The following NCALD variants were observed in gnomAD, a reference collection of about 807,000 sequenced individuals.
NCALD encodes neurocalcin delta, also known as neurocalcin-delta.
Under a neutral mutation model 18.6 loss-of-function variants are expected in NCALD, and 10 were observed. The ratio of observed to expected loss-of-function variants is 0.54; its 90% CI spans 0.33 to 0.91. The LOEUF is 0.91. Among genes scored for constraint, NCALD ranks in the 40% least tolerant of loss-of-function variants. NCALD has a pLI of 0.03. For missense variants in NCALD, 184 were observed against 247.6 expected, an observed-to-expected ratio of 0.74 and a Z score of 1.72; for synonymous variants, 88 against 87.4, an observed-to-expected ratio of 1.01 and a Z score of -0.04.
intron 1 of NCALD, among the ~76,000 whole-genome samples, chr8:102,103,526 T>C (rs960047600): frequency 6.6e-6 from 1 of 152,068 alleles, no homozygotes; most frequent in Non-Finnish European, 1.5e-5. Flanking sequence ...CTAGAGCCCA[T>C]GTTGGTTGTT....
intron 4 of NCALD, among the ~76,000 whole-genome samples, chr8:101,869,891 T>C (rs1373114250): frequency 6.6e-6 from 1 of 152,224 alleles, no homozygotes; most frequent in East Asian, 1.9e-4. Context: ...CATGATAAAC[T>C]AGATGCAAGC....
At chr8:101,848,579 T>C (rs1381971550) in intron 4 of NCALD, among the ~76,000 whole-genome samples, 2 of 152,192 alleles carry the variant, frequency 1.3e-5, no homozygotes, top group African/African-American at 4.8e-5. Context: ...ATGGGTTTTA[T>C]ATGGAGAGTC....
At position 102,053,166 on chromosome 8, in the gene NCALD, T is replaced by C. The variant is rs1823512441; in HGVS notation, c.-209-32877A>G. Among the ~76,000 whole-genome samples the C allele has an allele frequency of 2.0e-5, 3 of 152,230 alleles. No individual in the cohort carries two copies. The South Asian group carries it at 6.2e-4, about 32-fold the overall frequency. ...CCCAGAAACTCTTTGTCTGTATGTTTAAAAATTCACCATATGTCATAATCT... is the reference window on the plus strand; with the variant it reads ...CCCAGAAACTCTTTGTCTGTATGTTCAAAAATTCACCATATGTCATAATCT... On this transcript the variant is annotated intron_variant, in intron 1 of 6. Coordinates refer to the NCALD transcript ENST00000311028.
intron 4 of NCALD, among the ~76,000 whole-genome samples, chr8:101,835,328 T>G (rs1257710738): frequency 2.6e-5 from 4 of 152,158 alleles, no homozygotes. Flanking sequence ...ATTTTGCCCC[T>G]CCCAACCCCG....
chr8:101,981,190 G>A (rs183729210), intron 2 of NCALD, among the ~76,000 whole-genome samples: 15 of 152,186 alleles, frequency 9.9e-5, no homozygotes, highest in African/African-American at 1.4e-4. Flanking sequence ...TGGCCAACCC[G>A]TTGGTTTATT....
chr8:102,030,446 G>C (rs1822626247), intron 1 of NCALD, among the ~76,000 whole-genome samples: 1 of 152,224 alleles, frequency 6.6e-6, no homozygotes, highest in Non-Finnish European at 1.5e-5. Flanking sequence ...CATTAAAAAT[G>C]CTTAAGTCCA....
In NCALD at chr8:102,059,803, G is replaced by A. The variant is rs1341976666; in HGVS notation, c.-209-39514C>T. ...CCAGTCTTAAGTGACAGATTTTGGG[G>A]TTCTTGGTGCCTTTTAACTATCTAA... On this transcript the variant is annotated intron_variant, in intron 1 of 6. Coordinates refer to the NCALD transcript ENST00000311028. Among the ~76,000 whole-genome samples, 7 of 152,262 alleles carry A rather than the reference G, an allele frequency of 4.6e-5. No individual in the cohort carries two copies. In the East Asian group the frequency reaches 1.2e-3, roughly 25 times the overall value.
chr8:102,073,061 A>G lies in NCALD; in HGVS notation c.-210+51176T>C, dbSNP rs543103359. 8.3e-4 allele frequency among the ~76,000 whole-genome samples: 127 copies of G among 152,334 alleles called. 1 individual carries two copies. The highest frequency in any genetic ancestry group is 2.9e-3 in the African/African-American group (122 of 41,570). ...GTAGAAAGATATTTTCCACAACTTT[A>G]TTTATAATATAAAAGATATTAAAAT... On this transcript the variant is annotated intron_variant, in intron 1 of 6. Transcript: ENST00000311028.
intron 1 of NCALD, among the ~76,000 whole-genome samples, chr8:102,062,141 C>T (rs762784955): frequency 2.4e-4 from 37 of 152,296 alleles, no homozygotes; most frequent in Admixed American, 5.9e-4. Context: ...CAGTGGCTCA[C>T]GCCTGTAATC....
At chr8:101,976,870 C>T (rs1454810351) in intron 2 of NCALD, among the ~76,000 whole-genome samples, 1 of 151,992 alleles carries the variant, frequency 6.6e-6, no homozygotes, top group Non-Finnish European at 1.5e-5. Flanking sequence ...GTGGTAAGTG[C>T]TATGAAGGAG....
intron 3 of NCALD, among the ~76,000 whole-genome samples, chr8:101,908,189 CA>C (rs1817672682): frequency 1.3e-5 from 2 of 152,172 alleles, no homozygotes; most frequent in South Asian, 4.1e-4. Flanking sequence ...CATGGAAAAA[CA>C]AAAGCTCAGA....
At chr8:101,993,846 T>A (rs983427963) in intron 2 of NCALD, among the ~76,000 whole-genome samples, 2 of 152,088 alleles carry the variant, frequency 1.3e-5, no homozygotes, top group African/African-American at 4.8e-5. Context: ...CTCCTTGGAG[T>A]CCTCTGAGCC....
At chr8:102,003,367 C>T (rs1228586314) in intron 2 of NCALD, among the ~76,000 whole-genome samples, 3 of 152,178 alleles carry the variant, frequency 2.0e-5, no homozygotes, top group Admixed American at 1.3e-4. Flanking sequence ...ATAACAGGCT[C>T]TGAAATTGAG....
At chr8:101,990,131 T>C (rs1431564912) in intron 2 of NCALD, among the ~76,000 whole-genome samples, 1 of 152,214 alleles carries the variant, frequency 6.6e-6, no homozygotes, top group Non-Finnish European at 1.5e-5. Flanking sequence ...CATTCATTCA[T>C]TCACTCATTC....
chr8:101,753,847 C>A (rs1810762188), intron 1 of NCALD, among the ~76,000 whole-genome samples: 1 of 152,118 alleles, frequency 6.6e-6, no homozygotes. Flanking sequence ...CATTATTAAA[C>A]CACAGAATTA....
intron 2 of NCALD, among the ~76,000 whole-genome samples, chr8:101,701,832 T>TCACCTTGCTTAGACTAAG (rs1815282722): frequency 6.6e-6 from 1 of 152,196 alleles, no homozygotes; most frequent in Non-Finnish European, 1.5e-5. Flanking sequence ...TTAGACTTTC[T>TCACCTTGCTTAGACTAAG]CACCTTGCTT....
chr8:101,979,431 G>A (rs73281308), intron 2 of NCALD, among the ~76,000 whole-genome samples: 2,363 of 152,188 alleles, frequency 0.016, 50 homozygotes, highest in African/African-American at 0.048. Flanking sequence ...ACAACAAATC[G>A]GCAAATATGC....
At chr8:101,760,964 GT>G (rs1413958160) in intron 1 of NCALD, among the ~76,000 whole-genome samples, 2 of 143,674 alleles carry the variant, frequency 1.4e-5, no homozygotes, top group Non-Finnish European at 3.0e-5. Context: ...GAAGCCCTGT[GT>G]TCTATCCACT....
chr8:101,995,554 G>C (rs1383314353), intron 2 of NCALD, among the ~76,000 whole-genome samples: 3 of 152,108 alleles, frequency 2.0e-5, no homozygotes, highest in Non-Finnish European at 4.4e-5. Context: ...AGGAGCAAGA[G>C]AAAGGGGAGG....
Sources: gnomAD v4.1 joint callset for allele counts (sites outside exome capture counted in the v4.1 genomes callset) on GRCh38, gnomAD v4.1.1 for gene constraint, MANE v1.5 for transcripts, NCBI Gene and HGNC (gene_info 2026-07-23, HGNC 2026-07-21) for gene names.